WDFY3: variants seen among roughly 807,000 people sequenced by gnomAD.
The protein encoded by WDFY3 is WD repeat and FYVE domain-containing protein 3.
In WDFY3, 66 loss-of-function variants were observed where a neutral mutation model predicts 409.6. The observed-to-expected ratio is 0.16, with a 90% CI of 0.13 to 0.20. The LOEUF (loss-of-function observed/expected upper bound fraction) is 0.20. Among genes scored for constraint, WDFY3 ranks in the 10% least tolerant of loss-of-function variants. WDFY3 has a pLI of 1.00. For missense variants in WDFY3, 3,031 were observed against 4,298.1 expected, an observed-to-expected ratio of 0.71 and a Z score of 8.24; for synonymous variants, 1,521 against 1,537.1, an observed-to-expected ratio of 0.99 and a Z score of 0.25.
At chr4:84,754,014 GCAAA>G in intron 34 of WDFY3, 138 bp from the exon 35 acceptor site, 1 of 944,582 alleles carries the variant, frequency 1.1e-6, no homozygotes, top group Non-Finnish European at 1.4e-6. Flanking sequence ...ACACATATGA[GCAAA>G]CACACATGTA....
chr4:84,798,305 ATGT>A (rs2149610273), intron 17 of WDFY3, among the ~76,000 whole-genome samples, 197 bp from the exon 18 acceptor site: 1 of 152,310 alleles, frequency 6.6e-6, no homozygotes, highest in East Asian at 1.9e-4. Flanking sequence ...ATTTTTTAGA[ATGT>A]TTTTTAGACA....
chr4:84,885,172 T>C (rs940602202), intron 3 of WDFY3, among the ~76,000 whole-genome samples: 1 of 152,104 alleles, frequency 6.6e-6, no homozygotes, highest in African/African-American at 2.4e-5. Flanking sequence ...GGCTAATTTT[T>C]TTTTGTATTT....
At chr4:84,897,798 C>G (rs958791205) in intron 2 of WDFY3, among the ~76,000 whole-genome samples, 1 of 152,158 alleles carries the variant, frequency 6.6e-6, no homozygotes, top group Admixed American at 6.5e-5. Context: ...AATCCCAGGA[C>G]AAACCTATTC....
chr4:84,742,754 T>A (rs75002320), intron 37 of WDFY3, among the ~76,000 whole-genome samples: 5,076 of 152,282 alleles, frequency 0.033, 258 homozygotes, highest in African/African-American at 0.12. Context: ...AATGCTTGCA[T>A]CATCGCAAAA....
intron 55 of WDFY3, among the ~76,000 whole-genome samples, chr4:84,703,828 C>G (rs1311119094): frequency 6.6e-6 from 1 of 152,180 alleles, no homozygotes; most frequent in Non-Finnish European, 1.5e-5. Flanking sequence ...TTCTGAAACA[C>G]CTTACAATTT....
intron 30 of WDFY3, among the ~76,000 whole-genome samples, chr4:84,769,018 G>A (rs1744170654): frequency 6.6e-6 from 1 of 152,152 alleles, no homozygotes; most frequent in Non-Finnish European, 1.5e-5. Context: ...GACTTCAGTG[G>A]AAGAAGTAAC....
intron 51 of WDFY3, among the ~76,000 whole-genome samples, chr4:84,712,366 A>C (rs1354469587): frequency 6.7e-6 from 1 of 148,438 alleles, no homozygotes; most frequent in Non-Finnish European, 1.5e-5. Context: ...TCTCAAAAGA[A>C]AAAAATTAAA....
At chr4:84,771,469 TA>T (rs1250465088) in intron 30 of WDFY3, among the ~76,000 whole-genome samples, 1 of 152,208 alleles carries the variant, frequency 6.6e-6, no homozygotes, top group Non-Finnish European at 1.5e-5. Flanking sequence ...ATAAATGCAT[TA>T]CATATTTCAG....
At chr4:84,868,290 G>A (rs1258124719) in intron 3 of WDFY3, among the ~76,000 whole-genome samples, 7 of 147,802 alleles carry the variant, frequency 4.7e-5, no homozygotes, top group Admixed American at 2.7e-4. Flanking sequence ...AAAAGCAAAG[G>A]CAAACCTCTT....
At chr4:84,865,101 C>T (rs189942637) in intron 3 of WDFY3, among the ~76,000 whole-genome samples, 2 of 152,154 alleles carry the variant, frequency 1.3e-5, no homozygotes, top group East Asian at 1.9e-4. Context: ...GTTGCCCAGA[C>T]TGGTCTCAAA....
At chr4:84,689,486 C>T (rs925095727) in intron 61 of WDFY3, among the ~76,000 whole-genome samples, 1 of 152,190 alleles carries the variant, frequency 6.6e-6, no homozygotes, top group African/African-American at 2.4e-5. Context: ...CACTTCAAGA[C>T]TTTCTCCCTC....
intron 44 of WDFY3, among the ~76,000 whole-genome samples, chr4:84,729,024 T>A (rs566302696): frequency 2.0e-5 from 3 of 152,174 alleles, no homozygotes; most frequent in East Asian, 3.9e-4. Context: ...TATAAAAATA[T>A]ATACTGAGGC....
chr4:84,773,343 C>G (rs1486961234), intron 29 of WDFY3, among the ~76,000 whole-genome samples: 1 of 152,136 alleles, frequency 6.6e-6, no homozygotes, highest in Admixed American at 6.5e-5. Context: ...CTTTAATGCA[C>G]TAACATGCAA....
At chr4:84,852,321 T>C (rs560545757) in intron 4 of WDFY3, among the ~76,000 whole-genome samples, 1 of 152,290 alleles carries the variant, frequency 6.6e-6, no homozygotes, top group African/African-American at 2.4e-5. Context: ...GAATTGTTTG[T>C]TTCTGTAATT....
At chr4:84,808,452 A>C in intron 14 of WDFY3, 35 bp from the exon 15 acceptor site, 2 of 1,594,018 alleles carry the variant, frequency 1.3e-6, no homozygotes, top group Non-Finnish European at 1.7e-6. Flanking sequence ...TGGTTTAGAG[A>C]GGTTAGAAGA....
At chr4:84,687,416 T>G (rs1185376239) in intron 62 of WDFY3, among the ~76,000 whole-genome samples, 1 of 152,192 alleles carries the variant, frequency 6.6e-6, no homozygotes, top group Non-Finnish European at 1.5e-5. Context: ...GTGCTGGGAT[T>G]ACAGGCATGA....
At chr4:84,877,678 T>C (rs747729568) in intron 3 of WDFY3, among the ~76,000 whole-genome samples, 2 of 152,222 alleles carry the variant, frequency 1.3e-5, no homozygotes, top group Non-Finnish European at 1.5e-5. Flanking sequence ...ATCTTTATCA[T>C]TGCATTTATC....
chr4:84,900,502 T>G (rs1347713111), intron 2 of WDFY3, among the ~76,000 whole-genome samples: 1 of 152,206 alleles, frequency 6.6e-6, no homozygotes, highest in East Asian at 1.9e-4. Context: ...CATGAGCCAC[T>G]GCATCCAGAT....
chr4:84,734,901 C>T, intron 43 of WDFY3, 142 bp downstream of exon 43: 1 of 674,872 alleles, frequency 1.5e-6, no homozygotes, highest in Non-Finnish European at 2.5e-6. Flanking sequence ...TAGCTGATGG[C>T]AGGAATAATT....
Sources: gnomAD v4.1 joint callset for allele counts (sites outside exome capture counted in the v4.1 genomes callset) on GRCh38, gnomAD v4.1.1 for gene constraint, MANE v1.5 for transcripts, NCBI Gene and HGNC (gene_info 2026-07-23, HGNC 2026-07-21) for gene names.